The following TBL1XR1 variants were observed in gnomAD, a reference collection of about 807,000 sequenced individuals.
TBL1XR1 encodes the protein TBL1X/Y related 1.
In TBL1XR1, 5 loss-of-function variants were observed where a neutral mutation model predicts 66.9. The observed-to-expected ratio is 0.07, with a 90% confidence interval of 0.04 to 0.16. The LOEUF (loss-of-function observed/expected upper bound fraction) is 0.16. Ranked by LOEUF, TBL1XR1 falls within the 10% of genes least tolerant of loss-of-function variation. The pLI is 1.00. For missense variants in TBL1XR1, 238 were observed against 623.2 expected (o/e 0.38, Z 6.58); for synonymous variants, 210 against 206.0 (o/e 1.02, Z -0.17).
intron 1 of TBL1XR1, among the ~76,000 whole-genome samples, chr3:177,133,002 G>A (rs921524712): frequency 2.6e-5 from 4 of 152,100 alleles, no homozygotes; most frequent in Admixed American, 1.3e-4. Flanking sequence ...TAAAATAAAT[G>A]AATCGGCCAG....
At position 177,025,268 on chromosome 3, in the gene TBL1XR1, A is replaced by G; in HGVS notation, c.*230T>C. The G allele has an allele frequency of 2.3e-6, 1 of 437,596 alleles. No individual in the cohort carries two copies. The highest frequency in any genetic ancestry group is 4.0e-6 in the Non-Finnish European group (1 of 248,402). The allele number at this position is 437,596 out of a possible 1,614,324, so 27.1% of individuals were successfully genotyped here. On this transcript the variant is annotated 3_prime_UTR_variant, in exon 16 of 16. Transcript: ENST00000457928. The stretch of plus-strand genomic sequence containing the variant: ...CTTCTAAATGCTATTTTAGGGGCAC[A>G]GCAGATTAGATTCCAGCACTTGGTG...
chr3:177,113,676 TA>T (rs1304187847), intron 1 of TBL1XR1, among the ~76,000 whole-genome samples: 1 of 151,908 alleles, frequency 6.6e-6, no homozygotes, highest in Non-Finnish European at 1.5e-5. Flanking sequence ...ATAAACAATT[TA>T]AAAATTAAAT....
intron 2 of TBL1XR1, among the ~76,000 whole-genome samples, chr3:177,071,141 C>T (rs1488862284): frequency 6.7e-6 from 1 of 149,816 alleles, no homozygotes. Flanking sequence ...CGCCATTCTA[C>T]TGCCTTAGCC....
At chr3:177,052,974 T>C (rs750643005) in intron 4 of TBL1XR1, among the ~76,000 whole-genome samples, 15 of 151,974 alleles carry the variant, frequency 9.9e-5, no homozygotes, top group Non-Finnish European at 1.2e-4. Context: ...TGGTGGTGGG[T>C]GCCTATAATC....
At chr3:177,180,139 G>C (rs1414680410) in intron 1 of TBL1XR1, among the ~76,000 whole-genome samples, 1 of 151,238 alleles carries the variant, frequency 6.6e-6, no homozygotes, top group Non-Finnish European at 1.5e-5. Flanking sequence ...TGGGAGGCTG[G>C]GGCAGGAGAA....
At chr3:177,107,696 C>G (rs916725689) in intron 1 of TBL1XR1, among the ~76,000 whole-genome samples, 1 of 152,004 alleles carries the variant, frequency 6.6e-6, no homozygotes, top group Non-Finnish European at 1.5e-5. Flanking sequence ...ATACACCATC[C>G]GGGGATCATG....
At chr3:177,057,758 A>C (rs1165485291) in intron 3 of TBL1XR1, among the ~76,000 whole-genome samples, 1 of 152,194 alleles carries the variant, frequency 6.6e-6, no homozygotes, top group Non-Finnish European at 1.5e-5. Context: ...TTCCAAGTGT[A>C]AGAGCAAATC....
chr3:177,051,031 T>C (rs376522843), intron 5 of TBL1XR1, among the ~76,000 whole-genome samples: 8 of 152,314 alleles, frequency 5.3e-5, no homozygotes, highest in South Asian at 2.1e-4. Context: ...ATAACTAGTA[T>C]TACAAATTTT....
chr3:177,050,190 G>A, intron 6 of TBL1XR1, 52 bp from the exon 7 acceptor site: 1 of 1,573,136 alleles, frequency 6.4e-7, no homozygotes, highest in Non-Finnish European at 8.6e-7. Context: ...TCACGTATCA[G>A]AACAAGGCAA....
intron 1 of TBL1XR1, among the ~76,000 whole-genome samples, chr3:177,113,694 A>G (rs755850310): frequency 7.2e-5 from 11 of 152,130 alleles, no homozygotes; most frequent in Non-Finnish European, 1.5e-4. Flanking sequence ...AAATAAAAAT[A>G]AATAAATGGC....
intron 10 of TBL1XR1, among the ~76,000 whole-genome samples, chr3:177,040,789 A>AT (rs1715477126): frequency 6.6e-6 from 1 of 152,228 alleles, no homozygotes; most frequent in Non-Finnish European, 1.5e-5. Flanking sequence ...ACATTAAAAT[A>AT]ATTAGTTTTG....
At chr3:177,096,480 A>G (rs1202386301) in intron 2 of TBL1XR1, among the ~76,000 whole-genome samples, 2 of 152,212 alleles carry the variant, frequency 1.3e-5, no homozygotes, top group African/African-American at 2.4e-5. Flanking sequence ...TATATGAGTA[A>G]CACATAAAAA....
intron 1 of TBL1XR1, among the ~76,000 whole-genome samples, chr3:177,193,140 G>T (rs939260131): frequency 6.6e-6 from 1 of 151,436 alleles, no homozygotes; most frequent in Admixed American, 6.6e-5. Context: ...GCAACAGAGC[G>T]AAACTCCGTC....
At chr3:177,196,558 TCGCCGCGCCCGGGCCGGGGA>T (rs1244970252) in intron 1 of TBL1XR1, 1 of 145,092 alleles carries the variant, frequency 6.9e-6, no homozygotes, top group African/African-American at 2.5e-5. Flanking sequence ...CCGGCCGGGG[TCGCCGCGCCCGGGCCGGGGA>T]CGCGCCCGGG....
intron 1 of TBL1XR1, among the ~76,000 whole-genome samples, chr3:177,178,470 T>C (rs1473976846): frequency 1.3e-5 from 2 of 152,184 alleles, no homozygotes; most frequent in Non-Finnish European, 2.9e-5. Context: ...ACCATCCCTA[T>C]GCCACTTTGT....
Position 177,047,743 on chromosome 3 carries a change from T to A in TBL1XR1, c.703-194A>T, listed in dbSNP as rs144317053. ...CTTCCACTGTGTGACACTAATGTTG[T>A]ATGGGGGCCTTATATCCAAAGTTCA... is the stretch of plus-strand genomic sequence containing the variant. On this transcript the variant is annotated intron_variant, in intron 7 of 15. Coordinates refer to ENST00000457928, the MANE Select transcript of TBL1XR1 (RefSeq NM_024665.7). The A allele has an allele frequency of 3.8e-4, 217 of 570,964 alleles. 3 individuals carry two copies. Among genetic ancestry groups the A allele is most frequent in the African/African-American group, 3.7e-3 (198 of 53,398 alleles). The allele number at this position is 570,964 out of a possible 1,614,324, so 35.4% of individuals were successfully genotyped here.
intron 7 of TBL1XR1, 44 bp from the exon 8 acceptor site, chr3:177,047,593 G>GT: frequency 6.5e-7 from 1 of 1,544,642 alleles, no homozygotes; most frequent in Non-Finnish European, 8.9e-7. Flanking sequence ...TCTAGATACG[G>GT]TATTTAATTG....
At chr3:177,033,221 C>T in intron 13 of TBL1XR1, 85 bp from the exon 14 acceptor site, 1 of 1,204,732 alleles carries the variant, frequency 8.3e-7, no homozygotes, top group South Asian at 2.8e-5. Context: ...CATATTCAGC[C>T]AAATCTAATA....
intron 7 of TBL1XR1, chr3:177,048,067 CCTTT>C (rs1215797769): frequency 2.6e-5 from 4 of 152,418 alleles, no homozygotes; most frequent in Non-Finnish European, 4.4e-5. Flanking sequence ...CTTGAATGTT[CCTTT>C]CTATTATTAA....
Sources: allele counts gnomAD v4.1 joint callset (sites outside exome capture counted in the v4.1 genomes callset), GRCh38; gene constraint gnomAD v4.1.1; transcripts MANE v1.5; gene names NCBI Gene and HGNC (gene_info 2026-07-23, HGNC 2026-07-21).